PARM1: variants seen among roughly 807,000 people sequenced by gnomAD.
PARM1 encodes the protein WSC4, cell wall integrity and stress response component 4 homolog.
A neutral mutation model predicts 24.6 loss-of-function variants in PARM1; 14 were observed. The observed-to-expected ratio is 0.57, with a 90% CI of 0.38 to 0.89. PARM1 has a LOEUF of 0.89. PARM1 is among the 40% of genes least tolerant of loss of function. The pLI is 0.00. For synonymous variants in PARM1, 179 were observed against 156.6 expected (o/e 1.14, Z -1.07); for missense variants, 362 against 380.4 (o/e 0.95, Z 0.40).
At chr4:74,976,170 C>T (rs2109768699) in intron 1 of PARM1, among the ~76,000 whole-genome samples, 1 of 152,276 alleles carries the variant, frequency 6.6e-6, no homozygotes, top group Non-Finnish European at 1.5e-5. Context: ...GAGTTGTAGC[C>T]AGCGGCAGCA....
At chr4:74,995,648 C>T (rs568501703) in intron 1 of PARM1, among the ~76,000 whole-genome samples, 37 of 152,216 alleles carry the variant, frequency 2.4e-4, no homozygotes, top group Admixed American at 3.9e-4. Context: ...GAGAAGTACT[C>T]AGAGTGCCAT....
chr4:74,987,206 C>T (rs1722374399), intron 1 of PARM1, among the ~76,000 whole-genome samples: 1 of 152,070 alleles, frequency 6.6e-6, no homozygotes, highest in Non-Finnish European at 1.5e-5. Flanking sequence ...GCCTCAGTCA[C>T]AAATACAGTT....
At chr4:75,025,068 A>G (rs1723158569) in intron 2 of PARM1, among the ~76,000 whole-genome samples, 1 of 152,250 alleles carries the variant, frequency 6.6e-6, no homozygotes, top group Non-Finnish European at 1.5e-5. Flanking sequence ...AGGAGAGGGT[A>G]ACAACAACAG....
intron 1 of PARM1, chr4:74,955,908 G>A (rs1320037542): frequency 1.3e-5 from 2 of 152,118 alleles, no homozygotes; most frequent in African/African-American, 2.4e-5. Flanking sequence ...CAGTATTTTG[G>A]AAGCTACTTA....
At chr4:75,011,533 G>T (rs975831682) in intron 1 of PARM1, among the ~76,000 whole-genome samples, 3 of 152,142 alleles carry the variant, frequency 2.0e-5, no homozygotes, top group African/African-American at 7.2e-5. Flanking sequence ...GTGAAACCAG[G>T]AACCCCATGT....
chr4:75,012,202 A>C (rs1386673931), intron 1 of PARM1, among the ~76,000 whole-genome samples: 2 of 152,176 alleles, frequency 1.3e-5, no homozygotes, highest in African/African-American at 4.8e-5. Flanking sequence ...AGTCCTACTA[A>C]TTGTTCTTAC....
chr4:75,010,002 G>A (rs926126306), intron 1 of PARM1, among the ~76,000 whole-genome samples: 9 of 152,106 alleles, frequency 5.9e-5, no homozygotes, highest in Non-Finnish European at 1.2e-4. Context: ...CCACTTCTGG[G>A]AATATGCCCA....
Position 75,034,959 on chromosome 4 carries a change from T to C in PARM1, c.848+998T>C, listed in dbSNP as rs181998366. The stretch of plus-strand genomic sequence containing the variant: ...TGCCTCCCCTTTTCCAATCATCACA[T>C]CCCTCTCTCCCTCTGAAGTCCTGAA... On this transcript the variant is annotated intron_variant, in intron 3 of 3. Transcript: ENST00000307428. 61 of 152,484 alleles carry C rather than the reference T, an allele frequency of 4.0e-4. 1 individual carries two copies. The highest frequency in any genetic ancestry group is 5.4e-4 in the Non-Finnish European group (37 of 68,186). 9.4% of individuals were successfully genotyped at this position (152,484 alleles called of 1,614,324 possible).
At chr4:75,001,822 G>T (rs143125859) in intron 1 of PARM1, among the ~76,000 whole-genome samples, 7 of 152,264 alleles carry the variant, frequency 4.6e-5, no homozygotes, top group Admixed American at 4.6e-4. Context: ...CACCCTCTAA[G>T]TTTGAGCTGT....
chr4:74,993,392 C>G lies in PARM1; in HGVS notation c.44-19033C>G, dbSNP rs530042102. 4.6e-5 allele frequency among the ~76,000 whole-genome samples: 7 copies of G among 152,212 alleles called. No homozygotes were observed. In the South Asian group the frequency reaches 1.5e-3, roughly 32 times the overall value. On this transcript the variant is annotated intron_variant, in intron 1 of 3. Coordinates refer to ENST00000307428, the MANE Select transcript of PARM1 (RefSeq NM_015393.4). ...AGCCTAAAGATGACTGAAGCCCTGGCTACACCTTGTTTGCAGCTTTGTGCA... is the reference window on the plus strand; with the variant it reads ...AGCCTAAAGATGACTGAAGCCCTGGGTACACCTTGTTTGCAGCTTTGTGCA...
chr4:74,990,247 GA>G (rs1722439779), intron 1 of PARM1, among the ~76,000 whole-genome samples: 1 of 152,172 alleles, frequency 6.6e-6, no homozygotes, highest in Non-Finnish European at 1.5e-5. Flanking sequence ...TATGCACATG[GA>G]AATCTGTAGT....
intron 1 of PARM1, among the ~76,000 whole-genome samples, 165 bp downstream of exon 1, chr4:74,933,535 C>A (rs953627342): frequency 2.0e-5 from 3 of 152,248 alleles, no homozygotes; most frequent in African/African-American, 7.2e-5. Flanking sequence ...GCACCTTTGG[C>A]GGTCCCGAAC....
intron 1 of PARM1, chr4:74,997,796 A>C (rs1276896465): frequency 6.6e-6 from 1 of 152,226 alleles, no homozygotes; most frequent in Admixed American, 6.5e-5. Flanking sequence ...GCACTGCCAG[A>C]GGGAACATAG....
At chr4:74,977,797 A>G (rs1294308940) in intron 1 of PARM1, among the ~76,000 whole-genome samples, 3 of 152,206 alleles carry the variant, frequency 2.0e-5, no homozygotes, top group African/African-American at 7.2e-5. Context: ...GCAAAAAGAG[A>G]TTGGGGGCCA....
chr4:74,961,711 A>G (rs1373102560), intron 1 of PARM1, among the ~76,000 whole-genome samples: 2 of 152,238 alleles, frequency 1.3e-5, no homozygotes, highest in Non-Finnish European at 2.9e-5. Context: ...CAAGAATCCT[A>G]TATCTGTCAA....
At chr4:74,941,381 G>A (rs945647982) in intron 1 of PARM1, among the ~76,000 whole-genome samples, 2 of 152,094 alleles carry the variant, frequency 1.3e-5, no homozygotes, top group African/African-American at 2.4e-5. Flanking sequence ...GACAGTGGCT[G>A]TTTCAGAATT....
At chr4:75,041,000 C>A (rs528288989) in intron 3 of PARM1, among the ~76,000 whole-genome samples, 1 of 152,266 alleles carries the variant, frequency 6.6e-6, no homozygotes, top group Non-Finnish European at 1.5e-5. Context: ...CTCCTCACCA[C>A]CCCACCCACT....
chr4:75,012,972 A>G lies in PARM1; in HGVS notation c.591A>G (p.Thr197=). 1 of 1,614,008 alleles carries G rather than the reference A, an allele frequency of 6.2e-7. No individual in the cohort carries two copies. Among genetic ancestry groups the G allele is most frequent in the Non-Finnish European group, 8.5e-7 (1 of 1,179,882 alleles). Residue 197 remains threonine, a synonymous_variant, in exon 2 of 4, where the codon ACA becomes ACG. Transcript: ENST00000307428. The part of the protein sequence containing the change: ...TGAPTAPESP[T]EESSSDHTPT... The stretch of plus-strand genomic sequence containing the variant: ...CTCCAACTGCACCAGAGTCCCCGAC[A>G]GAGGAGTCCAGCTCTGACCACACAC...
chr4:75,040,211 C>G lies in PARM1; in HGVS notation c.849-5952C>G, dbSNP rs193118484. ...TTGGGGAAGGGGAAGCCATGGGAAT[C>G]TGTTAAACCACACAGATTTTTACTA... On this transcript the variant is annotated intron_variant, in intron 3 of 3. Transcript: ENST00000307428. Among the ~76,000 whole-genome samples the G allele has an allele frequency of 3.2e-3, 480 of 152,346 alleles. 1 individual carries two copies. Among genetic ancestry groups the G allele is most frequent in the Middle Eastern group, 6.8e-3 (2 of 294 alleles).
Sources: allele counts gnomAD v4.1 joint callset (sites outside exome capture counted in the v4.1 genomes callset), GRCh38; gene constraint gnomAD v4.1.1; transcripts MANE v1.5; gene names NCBI Gene and HGNC (gene_info 2026-07-23, HGNC 2026-07-21).